The following PSMA5 variants were observed in gnomAD, a reference collection of about 807,000 sequenced individuals.
The protein encoded by PSMA5 is proteasome 20S subunit alpha 5.
In PSMA5, 3 loss-of-function variants were observed where a neutral mutation model predicts 34.5. That is an observed-to-expected ratio of 0.09 (90% CI 0.04 to 0.22). PSMA5 has a LOEUF of 0.22. Among genes scored for constraint, PSMA5 ranks in the 10% least tolerant of loss-of-function variants. The pLI is 1.00. For synonymous variants in PSMA5, 88 were observed against 95.8 expected (o/e 0.92, Z 0.47); for missense variants, 120 against 286.1 (o/e 0.42, Z 4.19).
intron 8 of PSMA5, among the ~76,000 whole-genome samples, chr1:109,405,000 G>A (rs1376916359): frequency 6.6e-6 from 1 of 152,236 alleles, no homozygotes; most frequent in African/African-American, 2.4e-5. Flanking sequence ...TCAAAGACAG[G>A]AAGGGCAAAC....
chr1:109,422,007 G>A, intron 1 of PSMA5, 81 bp from the exon 2 acceptor site: 1 of 781,910 alleles, frequency 1.3e-6, no homozygotes. Flanking sequence ...TTGACAACTA[G>A]CTCAGATAGC....
At chr1:109,419,148 C>T (rs1260461995) in intron 2 of PSMA5, among the ~76,000 whole-genome samples, 1 of 152,026 alleles carries the variant, frequency 6.6e-6, no homozygotes, top group Admixed American at 6.6e-5. Context: ...AGCAAAACTC[C>T]ACCTCAAAAT....
chr1:109,419,338 C>G (rs1046487434), intron 2 of PSMA5, among the ~76,000 whole-genome samples: 2 of 152,082 alleles, frequency 1.3e-5, no homozygotes, highest in African/African-American at 4.8e-5. Flanking sequence ...AACAACCAGT[C>G]CAGACTGGAG....
chr1:109,410,507 G>C (rs1302599073), intron 7 of PSMA5, among the ~76,000 whole-genome samples: 1 of 152,212 alleles, frequency 6.6e-6, no homozygotes, highest in East Asian at 1.9e-4. Flanking sequence ...AAGTAGAGCA[G>C]CCTTCAATCA....
At chr1:109,413,805 A>C (rs1389028368) in intron 3 of PSMA5, among the ~76,000 whole-genome samples, 2 of 152,112 alleles carry the variant, frequency 1.3e-5, no homozygotes, top group Non-Finnish European at 2.9e-5. Flanking sequence ...TGGCCCTCAC[A>C]ATCAATCAGA....
At chr1:109,419,947 T>G (rs1454971402) in intron 2 of PSMA5, among the ~76,000 whole-genome samples, 8 of 143,734 alleles carry the variant, frequency 5.6e-5, no homozygotes, top group African/African-American at 1.1e-4. Context: ...CATTCTAGCC[T>G]GGGTGACAGA....
intron 1 of PSMA5, 118 bp from the exon 2 acceptor site, chr1:109,422,044 C>T (rs1401390867): frequency 5.2e-6 from 3 of 581,844 alleles, no homozygotes; most frequent in Non-Finnish European, 8.4e-6. Flanking sequence ...TGTCATTATT[C>T]TCTACTTCGC....
At chr1:109,408,192 A>G (rs890459018) in intron 8 of PSMA5, among the ~76,000 whole-genome samples, 4 of 152,158 alleles carry the variant, frequency 2.6e-5, no homozygotes, top group Admixed American at 2.0e-4. Context: ...AAGCTGGTCC[A>G]TACCTCTCCA....
At chr1:109,424,874 C>A (rs2100977849) in intron 1 of PSMA5, among the ~76,000 whole-genome samples, 1 of 152,330 alleles carries the variant, frequency 6.6e-6, no homozygotes, top group Admixed American at 6.5e-5. Flanking sequence ...GTAGTCCCAG[C>A]TACTCGGGAG....
At chr1:109,411,245 G>C (rs971982066) in intron 6 of PSMA5, 132 bp from the exon 7 acceptor site, 8 of 611,208 alleles carry the variant, frequency 1.3e-5, no homozygotes, top group Non-Finnish European at 2.3e-5. Flanking sequence ...TTGAGGCACA[G>C]ATCTAAAAGA....
intron 1 of PSMA5, chr1:109,426,055 C>T (rs1325926956): frequency 1.7e-6 from 1 of 580,866 alleles, no homozygotes; most frequent in Non-Finnish European, 3.1e-6. Context: ...TTACCAAGCA[C>T]CAGCCGGAGC....
At chr1:109,411,520 A>T (rs1191577279) in intron 6 of PSMA5, among the ~76,000 whole-genome samples, 1 of 152,152 alleles carries the variant, frequency 6.6e-6, no homozygotes, top group African/African-American at 2.4e-5. Context: ...AAATTTGTGC[A>T]AACGGTATAG....
rs112334118 is a variant in PSMA5, at chr1:109,412,035, C to T, written c.399+42G>A. ...GTTCACAGGACAAATGTCCTAAGTC[C>T]CATAGAACAATAAGAAAACTCGACA... On this transcript the variant is annotated intron_variant, in intron 5 of 8. Coordinates refer to ENST00000271308, the MANE Select transcript of PSMA5 (RefSeq NM_002790.4). The T allele has an allele frequency of 8.7e-4, 1,384 of 1,589,024 alleles. 17 individuals are homozygous for T. The African/African-American group carries it at 0.017, about 20-fold the overall frequency.
At position 109,415,272 on chromosome 1, in the gene PSMA5, C is replaced by A. The variant is rs780559692; in HGVS notation, c.188G>T (p.Ser63Ile). ...ATCAATCTCTACAATTTTCTCAATG[C>A]TGCTGGGCTCCATCAGTGGGGAAGT... ...RITSPLMEPS[S>I]IEKIVEIDAH... Residue 63 changes from serine (S) to isoleucine (I), a missense_variant, in exon 3 of 9, where the codon AGC becomes ATC. Physicochemically the swap from Ser to Ile is moderately radical, Grantham distance 142 (BLOSUM62 -2). Around this residue, in one of 3 missense-constraint regions of PSMA5, gnomAD observed 20 missense variants for 19.4 expected, o/e 1.03. Transcript: ENST00000271308. 1 of 1,614,042 alleles carries A rather than the reference C, an allele frequency of 6.2e-7. No homozygotes were observed. The highest frequency in any genetic ancestry group is 8.5e-7 in the Non-Finnish European group (1 of 1,179,918).
chr1:109,426,144 G>GA, intron 1 of PSMA5, 158 bp downstream of exon 1: 1 of 936,442 alleles, frequency 1.1e-6, no homozygotes, highest in Non-Finnish European at 1.7e-6. Context: ...CTAGCTTGGG[G>GA]AAGGACGGCG....
At chr1:109,404,193 A>G (rs1653655516) in intron 8 of PSMA5, among the ~76,000 whole-genome samples, 1 of 152,086 alleles carries the variant, frequency 6.6e-6, no homozygotes, top group African/African-American at 2.4e-5. Flanking sequence ...GCATGGTGGC[A>G]CACGCCTGTA....
In PSMA5 at chr1:109,401,800, A is replaced by T. The variant is rs1653538429; in HGVS notation, c.*213T>A. 6.4e-6 allele frequency: 1 copy of T among 155,068 alleles called. No homozygotes were observed. The highest frequency in any genetic ancestry group is 1.3e-5 in the Non-Finnish European group (1 of 79,706). The allele number at this position is 155,068 out of a possible 1,614,324, so 9.6% of individuals were successfully genotyped here. ...CAATATAGTGAGACCTCATCTCTTA[A>T]AAAAAAAAAAAAAAAAAAGACTATT... On this transcript the variant is annotated 3_prime_UTR_variant, in exon 9 of 9. Transcript: ENST00000271308.
rs1654666225 is a variant in PSMA5 at position 109,426,394 on chromosome 1, A to T, written c.-64T>A. Reference sequence around the variant, plus strand: ...TGAGGACCAACACGACTCCACCGGCACCCAACTCACCGGCAGCCAACTCAC... The same window carrying T: ...TGAGGACCAACACGACTCCACCGGCTCCCAACTCACCGGCAGCCAACTCAC... On this transcript the variant is annotated 5_prime_UTR_variant, in exon 1 of 9. Transcript: ENST00000271308. 3.1e-6 allele frequency: 5 copies of T among 1,596,758 alleles called. No homozygotes were observed. In the Admixed American group the frequency reaches 5.0e-5, roughly 16 times the overall value.
chr1:109,423,624 T>G (rs902636219), intron 1 of PSMA5, among the ~76,000 whole-genome samples: 1 of 152,178 alleles, frequency 6.6e-6, no homozygotes, highest in Admixed American at 6.5e-5. Context: ...AGTTTTAATT[T>G]AAAACATCTC....
Sources: allele counts gnomAD v4.1 joint callset (sites outside exome capture counted in the v4.1 genomes callset), GRCh38; gene constraint gnomAD v4.1.1; regional missense constraint gnomAD v4.1.1; transcripts MANE v1.5; gene names NCBI Gene and HGNC (gene_info 2026-07-23, HGNC 2026-07-21).